FARP1: variants seen among roughly 807,000 people sequenced by gnomAD.
FARP1 encodes the protein FERM, ARH/RhoGEF and pleckstrin domain protein 1.
A neutral mutation model predicts 128.8 loss-of-function variants in FARP1; 52 were observed. That is an observed-to-expected ratio of 0.40 (90% CI 0.32 to 0.51). The LOEUF is 0.51. Among genes scored for constraint, FARP1 ranks in the 20% least tolerant of loss-of-function variants. The probability of loss-of-function intolerance (pLI) is 0.45; values close to 1 mark genes in which losing one functional copy is unlikely to be tolerated. For synonymous variants in FARP1, 580 were observed against 551.8 expected (o/e 1.05, Z -0.72); for missense variants, 1,333 against 1,367.9 (o/e 0.97, Z 0.40).
At chr13:98,247,683 T>C (rs1411081871) in intron 2 of FARP1, among the ~76,000 whole-genome samples, 1 of 152,182 alleles carries the variant, frequency 6.6e-6, no homozygotes, top group East Asian at 1.9e-4. Flanking sequence ...GGTTGGTAGG[T>C]TGACCCCAGC....
intron 1 of FARP1, among the ~76,000 whole-genome samples, chr13:98,144,202 C>CTGTG (rs368648027): frequency 0.043 from 6,332 of 146,304 alleles, 173 homozygotes; most frequent in Middle Eastern, 0.071. Flanking sequence ...CCCGGAGACT[C>CTGTG]TGTGTGTGTG....
intron 1 of FARP1, among the ~76,000 whole-genome samples, chr13:98,175,034 T>C (rs1442471982): frequency 6.6e-6 from 1 of 152,200 alleles, no homozygotes; most frequent in Non-Finnish European, 1.5e-5. Flanking sequence ...CGAAGTTCGC[T>C]CTGCCGCAGT....
intron 2 of FARP1, among the ~76,000 whole-genome samples, chr13:98,339,906 G>T (rs1566896088): frequency 6.6e-6 from 1 of 152,032 alleles, no homozygotes; most frequent in Non-Finnish European, 1.5e-5. Flanking sequence ...TGCTGGGGCG[G>T]CAAGGCTGCA....
intron 2 of FARP1, among the ~76,000 whole-genome samples, chr13:98,305,120 T>A (rs913313968): frequency 6.0e-4 from 25 of 41,982 alleles, no homozygotes; most frequent in African/African-American, 1.4e-3. Context: ...ATATATATAT[T>A]TTTTAATTTA....
At chr13:98,225,894 C>T (rs1295212286) in intron 2 of FARP1, among the ~76,000 whole-genome samples, 3 of 152,134 alleles carry the variant, frequency 2.0e-5, no homozygotes, top group Non-Finnish European at 4.4e-5. Context: ...AAAACAAGGG[C>T]GTTTTTGTAC....
chr13:98,153,839 A>G (rs1876306409), intron 1 of FARP1, among the ~76,000 whole-genome samples: 1 of 152,152 alleles, frequency 6.6e-6, no homozygotes, highest in East Asian at 1.9e-4. Flanking sequence ...CTGGGATTAC[A>G]GATGCGAGCC....
chr13:98,257,816 C>T (rs1883682257), intron 2 of FARP1, among the ~76,000 whole-genome samples: 1 of 152,144 alleles, frequency 6.6e-6, no homozygotes, highest in Admixed American at 6.5e-5. Flanking sequence ...TGTGTGGCTA[C>T]AGTGGAGATA....
chr13:98,244,734 T>G (rs1566787942), intron 2 of FARP1: 1 of 1,606,430 alleles, frequency 6.2e-7, no homozygotes. Flanking sequence ...TCCTGTTTCA[T>G]TATTTCATTC....
At chr13:98,250,773 G>A (rs773842671) in intron 2 of FARP1, among the ~76,000 whole-genome samples, 13 of 152,060 alleles carry the variant, frequency 8.5e-5, no homozygotes, top group Non-Finnish European at 1.6e-4. Flanking sequence ...ACCAGTATGG[G>A]CCACTCTCTG....
At chr13:98,153,505 G>GTATAAATATATATTTATATATATATTATA (rs1290717773) in intron 1 of FARP1, among the ~76,000 whole-genome samples, 8 of 125,068 alleles carry the variant, frequency 6.4e-5, no homozygotes, top group South Asian at 2.4e-4. Context: ...ATAAAAATAT[G>GTATAAATATATATTTATATATATATTATA]TATAAATATA....
chr13:98,446,767 C>A lies in FARP1; in HGVS notation c.3006C>A (p.Phe1002Leu), dbSNP rs144436647. Residue 1002 changes from phenylalanine (F) to leucine (L), a missense_variant, in exon 26 of 27, where the codon TTC (phenylalanine) becomes TTA (leucine). Phe to Leu is a conservative substitution (Grantham distance 22). This residue lies in a region of FARP1 where 1,009 missense variants were observed against 969.8 expected (regional missense o/e 1.04). Transcript: ENST00000319562. ...IQKDYVFKLH[F>L]KSHVYYFRAE... ...AAGACTACGTGTTCAAGCTGCACTT[C>A]AAGTCCCACGTCTACTACTTCAGGG... 2 of 1,614,202 alleles carry A rather than the reference C, an allele frequency of 1.2e-6. No homozygotes were observed. The highest frequency in any genetic ancestry group is 3.3e-5 in the Admixed American group (2 of 60,028).
intron 2 of FARP1, among the ~76,000 whole-genome samples, chr13:98,306,682 CT>C (rs10605968): frequency 0.51 from 76,828 of 150,982 alleles, 20,301 homozygotes; most frequent in East Asian, 0.97. Context: ...ACCCGGCTAA[CT>C]TTTTTTTTTA....
intron 11 of FARP1, 59 bp from the exon 12 acceptor site, chr13:98,393,584 C>G: frequency 7.3e-7 from 1 of 1,378,308 alleles, no homozygotes; most frequent in South Asian, 1.2e-5. Context: ...CATTTAAAAC[C>G]AAGGAAAAAG....
chr13:98,260,275 C>G (rs1168703013), intron 2 of FARP1, among the ~76,000 whole-genome samples: 1 of 152,162 alleles, frequency 6.6e-6, no homozygotes, highest in African/African-American at 2.4e-5. Context: ...TTTAGTAACC[C>G]ATTGCTCATC....
chr13:98,240,508 A>G (rs1312106923), intron 2 of FARP1, among the ~76,000 whole-genome samples: 2 of 152,228 alleles, frequency 1.3e-5, no homozygotes, highest in Non-Finnish European at 2.9e-5. Flanking sequence ...GGATGGTTGC[A>G]TTCTATGACA....
chr13:98,374,923 C>T (rs1889514768), intron 5 of FARP1, among the ~76,000 whole-genome samples: 1 of 152,112 alleles, frequency 6.6e-6, no homozygotes, highest in Non-Finnish European at 1.5e-5. Flanking sequence ...ACAACCAGCT[C>T]TCACAGGAAG....
intron 2 of FARP1, among the ~76,000 whole-genome samples, chr13:98,241,070 G>A (rs1882742913): frequency 6.6e-6 from 1 of 152,242 alleles, no homozygotes; most frequent in Non-Finnish European, 1.5e-5. Flanking sequence ...AGAAGAGAGT[G>A]TAGACAGTGG....
At chr13:98,414,096 G>A (rs976029328) in intron 16 of FARP1, among the ~76,000 whole-genome samples, 7 of 152,184 alleles carry the variant, frequency 4.6e-5, no homozygotes, top group East Asian at 1.9e-4. Context: ...AGTAAATGCC[G>A]TACGCGTGGA....
intron 2 of FARP1, 42 bp from the exon 3 acceptor site, chr13:98,343,720 C>A: frequency 7.3e-7 from 1 of 1,371,848 alleles, no homozygotes; most frequent in Non-Finnish European, 1.0e-6. Flanking sequence ...TGTTTTCATC[C>A]GTGCCTGCCT....
Sources: gnomAD v4.1 joint callset for allele counts (sites outside exome capture counted in the v4.1 genomes callset) on GRCh38, gnomAD v4.1.1 for gene constraint, gnomAD v4.1.1 regional missense constraint, MANE v1.5 for transcripts, NCBI Gene and HGNC (gene_info 2026-07-23, HGNC 2026-07-21) for gene names.